The following THOC1 variants were observed in gnomAD, a reference collection of about 807,000 sequenced individuals.
The protein encoded by THOC1 is THO complex subunit 1, also known as THO complex 1.
THOC1 carries 29 observed loss-of-function variants against 97.3 expected under a neutral mutation model. The observed-to-expected ratio is 0.30, with a 90% CI of 0.22 to 0.41. The LOEUF is 0.41. Among genes scored for constraint, THOC1 ranks in the 10% least tolerant of loss-of-function variants. The pLI, the probability that THOC1 is intolerant of heterozygous loss-of-function variation, is 1.00. For synonymous variants in THOC1, 255 were observed against 257.0 expected, an observed-to-expected ratio of 0.99 and a Z score of 0.07; for missense variants, 529 against 761.9, an observed-to-expected ratio of 0.69 and a Z score of 3.60.
chr18:249,034 A>G (rs565555353), intron 9 of THOC1, among the ~76,000 whole-genome samples: 15 of 152,226 alleles, frequency 9.9e-5, no homozygotes, highest in Admixed American at 2.6e-4. Flanking sequence ...ACAGGCGTGT[A>G]CCACTGCACC....
At chr18:217,809 CAAGT>C (rs1910945927) in intron 18 of THOC1, among the ~76,000 whole-genome samples, 1 of 152,056 alleles carries the variant, frequency 6.6e-6, no homozygotes, top group Non-Finnish European at 1.5e-5. Flanking sequence ...GTGGTTCAAG[CAAGT>C]GAGACAGTAA....
chr18:235,044 G>A (rs1598295535), intron 11 of THOC1, among the ~76,000 whole-genome samples: 1 of 149,816 alleles, frequency 6.7e-6, no homozygotes, highest in South Asian at 2.1e-4. Context: ...TGTCATTCTG[G>A]CTGGTATTTC....
In THOC1 at chr18:268,035, T is replaced by C. The variant is rs748320262; in HGVS notation, c.-16A>G. 8 of 1,556,482 alleles carry C rather than the reference T, an allele frequency of 5.1e-6. No individual in the cohort carries two copies. The Admixed American group carries it at 1.5e-4, about 29-fold the overall frequency. On this transcript the variant is annotated 5_prime_UTR_variant, in exon 1 of 21. Transcript: ENST00000261600. ...TCGGAGACATCTTCTCGGCTGCGCGTGCCCGCCACTGCGCTGCGGCGCCTG... is the reference window on the plus strand; with the variant it reads ...TCGGAGACATCTTCTCGGCTGCGCGCGCCCGCCACTGCGCTGCGGCGCCTG...
intron 11 of THOC1, 132 bp downstream of exon 11, chr18:246,192 T>TAATC: frequency 1.4e-6 from 1 of 739,670 alleles, no homozygotes; most frequent in Non-Finnish European, 2.1e-6. Flanking sequence ...AAACTAACAT[T>TAATC]AATCAATCAG....
rs200197681 is a variant in THOC1, at chr18:221,766, A to C, written c.1370+1674T>G. 7.9e-5 allele frequency among the ~76,000 whole-genome samples: 12 copies of C among 151,812 alleles called. No homozygotes were observed. In the East Asian group the frequency reaches 2.3e-3, roughly 29 times the overall value. On this transcript the variant is annotated intron_variant, in intron 17 of 20. Coordinates refer to ENST00000261600, the MANE Select transcript of THOC1 (RefSeq NM_005131.3). The stretch of plus-strand genomic sequence containing the variant: ...TGAGACTACAGGCGCCTGCCACCAC[A>C]CTTGGCTAATTTTTTGTATTTTTAG...
chr18:256,481 A>G (rs143839403), intron 7 of THOC1, among the ~76,000 whole-genome samples: 1 of 152,208 alleles, frequency 6.6e-6, no homozygotes, highest in Non-Finnish European at 1.5e-5. Context: ...CTGCAATCTC[A>G]TGATTGGACT....
chr18:253,384 T>C (rs1281971969), intron 8 of THOC1, among the ~76,000 whole-genome samples: 1 of 152,246 alleles, frequency 6.6e-6, no homozygotes, highest in Non-Finnish European at 1.5e-5. Flanking sequence ...ATAATCTGAA[T>C]GTCCACAGGC....
intron 4 of THOC1, chr18:261,217 A>G (rs2143299914): frequency 6.6e-6 from 1 of 152,310 alleles, no homozygotes; most frequent in Non-Finnish European, 1.5e-5. Flanking sequence ...TACTTAGAAT[A>G]CTTTTATATC....
chr18:257,192 G>A (rs1912463497), intron 7 of THOC1, among the ~76,000 whole-genome samples: 1 of 152,104 alleles, frequency 6.6e-6, no homozygotes, highest in Non-Finnish European at 1.5e-5. Flanking sequence ...AAAACCCACG[G>A]TATGTCTGTA....
Position 222,793 on chromosome 18 carries a change from T to A in THOC1, c.1370+647A>T, listed in dbSNP as rs189635499. On this transcript the variant is annotated intron_variant, in intron 17 of 20. Transcript: ENST00000261600. ...CTTTGTAGGTTGTCTGTTTTTTCTC[T>A]CTGGTGACTTTATTATCATGTACAG... Among the ~76,000 whole-genome samples, 7 of 152,332 alleles carry A rather than the reference T, an allele frequency of 4.6e-5. No homozygotes were observed. In the East Asian group the frequency reaches 1.3e-3, roughly 29 times the overall value.
chr18:257,636 A>G (rs559247845), intron 7 of THOC1, among the ~76,000 whole-genome samples: 1 of 152,172 alleles, frequency 6.6e-6, no homozygotes, highest in Non-Finnish European at 1.5e-5. Context: ...GTAACAGCCA[A>G]TGATAACCAG....
intron 11 of THOC1, among the ~76,000 whole-genome samples, chr18:240,261 G>A (rs907551113): frequency 6.6e-6 from 1 of 152,192 alleles, no homozygotes; most frequent in African/African-American, 2.4e-5. Context: ...TACTTTGGCA[G>A]TACATCTTCT....
chr18:238,971 T>C (rs1911804783), intron 11 of THOC1, among the ~76,000 whole-genome samples: 1 of 152,216 alleles, frequency 6.6e-6, no homozygotes. Context: ...TTAATAAACA[T>C]AAGACTTTTC....
chr18:244,469 G>A (rs1912019039), intron 11 of THOC1: 1 of 151,976 alleles, frequency 6.6e-6, no homozygotes, highest in African/African-American at 2.4e-5. Flanking sequence ...ATTTAACTCG[G>A]TATAAAATTC....
In THOC1 at chr18:225,479, GCATGTAA is replaced by G. The variant is rs1486562726; in HGVS notation, c.1020-83_1020-77del. On this transcript the variant is annotated intron_variant, in intron 12 of 20. Transcript: ENST00000261600. Reference sequence around the variant, plus strand: ...AACTTTAAGGTTTAAAAAACACAAGGCATGTAACATGTAACTATACTGTGGATAGTGT... The same window carrying G: ...AACTTTAAGGTTTAAAAAACACAAGGCATGTAACTATACTGTGGATAGTGT... 1.2e-4 allele frequency: 142 copies of G among 1,198,380 alleles called. No individual in the cohort carries two copies. In the East Asian group the frequency reaches 3.3e-3, roughly 28 times the overall value. 74.2% of individuals were successfully genotyped at this position (1,198,380 alleles called of 1,614,324 possible).
rs749760201 is a variant in THOC1 at position 259,321 on chromosome 18, T to G, written c.425-46A>C. 4.8e-5 allele frequency: 70 copies of G among 1,469,320 alleles called. 1 individual carries two copies. The highest frequency in any genetic ancestry group is 3.5e-4 in the East Asian group (15 of 43,160). 91.0% of individuals were successfully genotyped at this position (1,469,320 alleles called of 1,614,324 possible). On this transcript the variant is annotated intron_variant, in intron 6 of 20. Transcript: ENST00000261600. ...ACGTTACACAGAAAAGATAATTCTA[T>G]GTTTATTACAACCACACCTAAAAGT...
chr18:226,513 G>C (rs901474137), intron 12 of THOC1: 1 of 289,978 alleles, frequency 3.4e-6, no homozygotes, highest in South Asian at 4.9e-5. Flanking sequence ...AGGGAGGTGA[G>C]AAGGGAATGA....
At chr18:264,814 C>G (rs1182165842) in intron 3 of THOC1, 1 of 152,808 alleles carries the variant, frequency 6.5e-6, no homozygotes, top group African/African-American at 2.4e-5. Context: ...ATTCAGGTGC[C>G]CCATTATTGG....
At chr18:219,564 G>A (rs533936726) in intron 17 of THOC1, among the ~76,000 whole-genome samples, 17 of 152,262 alleles carry the variant, frequency 1.1e-4, no homozygotes, top group African/African-American at 3.1e-4. Context: ...TTTTGATTAC[G>A]TGGGAACTCC....
Sources: gnomAD v4.1 joint callset for allele counts (sites outside exome capture counted in the v4.1 genomes callset) on GRCh38, gnomAD v4.1.1 for gene constraint, MANE v1.5 for transcripts, NCBI Gene and HGNC (gene_info 2026-07-23, HGNC 2026-07-21) for gene names.